Variants in SCP2 observed in about 807,000 individuals in gnomAD.
SCP2 encodes sterol carrier protein 2, also known as SCP-2/3-oxoacyl-CoA thiolase.
Under a neutral mutation model 71.4 loss-of-function variants are expected in SCP2, and 48 were observed. The observed-to-expected ratio is 0.67, with a 90% confidence interval of 0.53 to 0.86. SCP2 has a LOEUF of 0.86. Ranked by LOEUF, SCP2 falls within the 40% of genes least tolerant of loss-of-function variation. SCP2 has a pLI of 0.00. For missense variants in SCP2, 560 were observed against 655.6 expected (o/e 0.85, Z 1.59); for synonymous variants, 220 against 218.1 (o/e 1.01, Z -0.08).
At chr1:52,938,970 C>T (rs776834665) in intron 1 of SCP2, among the ~76,000 whole-genome samples, 1 of 152,192 alleles carries the variant, frequency 6.6e-6, no homozygotes, top group Non-Finnish European at 1.5e-5. Context: ...CTCCCACCAG[C>T]ACCTGGCAAC....
intron 5 of SCP2, among the ~76,000 whole-genome samples, chr1:52,958,746 G>T (rs1384397957): frequency 6.6e-6 from 1 of 151,942 alleles, no homozygotes; most frequent in African/African-American, 2.4e-5. Flanking sequence ...TAAGTGACGG[G>T]TTCTCCCTAT....
chr1:52,969,028 T>C (rs1657222148), intron 6 of SCP2, among the ~76,000 whole-genome samples: 1 of 151,926 alleles, frequency 6.6e-6, no homozygotes. Context: ...TCATCCTTGT[T>C]GCTCTTCTTC....
intron 12 of SCP2, among the ~76,000 whole-genome samples, chr1:53,027,117 T>C (rs1557619169): frequency 6.6e-6 from 1 of 152,048 alleles, no homozygotes; most frequent in Non-Finnish European, 1.5e-5. Context: ...AAATAACTTA[T>C]TTATTTAGAA....
chr1:52,968,943 A>T (rs1471277573), intron 6 of SCP2, among the ~76,000 whole-genome samples: 1 of 152,126 alleles, frequency 6.6e-6, no homozygotes, highest in Non-Finnish European at 1.5e-5. Flanking sequence ...GACAAAAGAA[A>T]ATGTTATTAA....
chr1:52,993,553 G>A (rs759981756), intron 11 of SCP2: 5 of 1,612,028 alleles, frequency 3.1e-6, no homozygotes, highest in East Asian at 4.5e-5. Context: ...GGAAGCCCTC[G>A]CCAGTCCTCA....
Position 52,978,206 on chromosome 1 carries a change from C to T in SCP2, c.675-11C>T, listed in dbSNP as rs1658157447. 6.2e-7 allele frequency: 1 copy of T among 1,613,012 alleles called. No individual in the cohort carries two copies. The highest frequency in any genetic ancestry group is 1.1e-5 in the South Asian group (1 of 91,034). ...TACTGGGTGTGGAGAATTATTTTTA[C>T]TTCCTCTTAGTCCCACTTCAGATGG... On this transcript the variant is annotated splice_polypyrimidine_tract_variant and intron_variant, in intron 8 of 15. Transcript: ENST00000371514.
At chr1:53,048,806 A>G (rs1295153223) in intron 15 of SCP2, 3 of 152,240 alleles carry the variant, frequency 2.0e-5, no homozygotes, top group Admixed American at 6.5e-5. Flanking sequence ...TGGACTTGAT[A>G]TAGTGAGCTT....
chr1:52,991,690 C>T (rs951496283), intron 11 of SCP2, among the ~76,000 whole-genome samples: 10 of 152,110 alleles, frequency 6.6e-5, no homozygotes, highest in South Asian at 6.2e-4. Context: ...TGAACCACCA[C>T]GCCCAGCCCA....
Position 52,947,903 on chromosome 1 carries a change from A to C in SCP2, c.128-106A>C, listed in dbSNP as rs573805149. ...AGGATTTGTCATTTGAATTGAGCATAGACTATATAGAGGTAGTTTACTTTG... is the reference window on the plus strand; with the variant it reads ...AGGATTTGTCATTTGAATTGAGCATCGACTATATAGAGGTAGTTTACTTTG... On this transcript the variant is annotated intron_variant, in intron 2 of 15. Transcript: ENST00000371514. The C allele has an allele frequency of 8.9e-5, 68 of 767,158 alleles. No homozygotes were observed. In the African/African-American group the frequency reaches 1.1e-3, roughly 13 times the overall value. 47.5% of individuals were successfully genotyped at this position (767,158 alleles called of 1,614,324 possible).
intron 13 of SCP2, among the ~76,000 whole-genome samples, chr1:53,031,508 C>T (rs1477377222): frequency 6.6e-6 from 1 of 152,158 alleles, no homozygotes; most frequent in Non-Finnish European, 1.5e-5. Flanking sequence ...TTCTCCATTG[C>T]CCTTCTTTGA....
chr1:52,966,780 C>A (rs1339635030), intron 6 of SCP2, among the ~76,000 whole-genome samples: 1 of 151,616 alleles, frequency 6.6e-6, no homozygotes, highest in African/African-American at 2.4e-5. Context: ...GTAATCCCAG[C>A]TATTTGGGAG....
intron 13 of SCP2, among the ~76,000 whole-genome samples, chr1:53,036,906 G>T (rs770327309): frequency 6.6e-6 from 1 of 152,000 alleles, no homozygotes; most frequent in African/African-American, 2.4e-5. Flanking sequence ...ATTTTGGGAG[G>T]CTGAGGCAGT....
chr1:52,987,002 ATATATTTT>A (rs1241078633), intron 10 of SCP2, among the ~76,000 whole-genome samples: 7 of 92,804 alleles, frequency 7.5e-5, no homozygotes, highest in East Asian at 5.8e-4. Flanking sequence ...ATATATATAT[ATATATTTT>A]TTTTTTTTTT....
intron 11 of SCP2, chr1:52,993,647 C>T: frequency 1.2e-6 from 2 of 1,612,408 alleles, no homozygotes; most frequent in South Asian, 2.2e-5. Context: ...ATCTATCACA[C>T]ACTGCTTTGT....
chr1:52,991,712 T>G (rs1659521835), intron 11 of SCP2, among the ~76,000 whole-genome samples: 1 of 152,222 alleles, frequency 6.6e-6, no homozygotes, highest in Non-Finnish European at 1.5e-5. Flanking sequence ...ACCTCTTGTT[T>G]TTATCACAGT....
Position 53,039,110 on chromosome 1 carries a change from A to G in SCP2, c.1468+64A>G. ...AGTTTACGAAGGCTGTCAGCTGGGA[A>G]AATGGGGGTCTGCTTTACTGTTCCC... is the stretch of plus-strand genomic sequence containing the variant. On this transcript the variant is annotated intron_variant, in intron 14 of 15. Coordinates refer to ENST00000371514, the MANE Select transcript of SCP2 (RefSeq NM_002979.5). 4 of 1,588,446 alleles carry G rather than the reference A, an allele frequency of 2.5e-6. No homozygotes were observed. In the South Asian group the frequency reaches 4.4e-5, roughly 18 times the overall value.
chr1:52,990,733 C>CA (rs61221989), intron 11 of SCP2, among the ~76,000 whole-genome samples: 1,357 of 62,388 alleles, frequency 0.022, 97 homozygotes, highest in African/African-American at 0.028. Context: ...GACTCCGTCT[C>CA]AAAAAAAAAA....
intron 11 of SCP2, among the ~76,000 whole-genome samples, chr1:53,014,552 T>C (rs187648040): frequency 2.0e-5 from 3 of 152,348 alleles, no homozygotes; most frequent in African/African-American, 7.2e-5. Flanking sequence ...TTTTAGGGAA[T>C]GTGAACTTCC....
chr1:52,960,160 A>T (rs936465111), intron 5 of SCP2, among the ~76,000 whole-genome samples: 10 of 151,972 alleles, frequency 6.6e-5, no homozygotes, highest in Non-Finnish European at 1.3e-4. Flanking sequence ...AATTGCTGGG[A>T]TTACAGGTAT....
Sources: allele counts gnomAD v4.1 joint callset (sites outside exome capture counted in the v4.1 genomes callset), GRCh38; gene constraint gnomAD v4.1.1; transcripts MANE v1.5; gene names NCBI Gene and HGNC (gene_info 2026-07-23, HGNC 2026-07-21).